The following TP63 variants were observed in gnomAD, a reference collection of about 807,000 sequenced individuals.
TP63 encodes the protein tumor protein p63.
TP63 carries 17 observed loss-of-function variants against 82.8 expected under a neutral mutation model. That is an observed-to-expected ratio of 0.21 (90% CI 0.14 to 0.31). TP63 has a LOEUF of 0.31. Ranked by LOEUF, TP63 falls within the 10% of genes least tolerant of loss-of-function variation. The pLI is 1.00. For synonymous variants in TP63, 330 were observed against 321.7 expected, an observed-to-expected ratio of 1.03 and a Z score of -0.28; for missense variants, 648 against 895.3, an observed-to-expected ratio of 0.72 and a Z score of 3.52.
intron 1 of TP63, among the ~76,000 whole-genome samples, chr3:189,632,343 G>T (rs1560072358): frequency 6.6e-6 from 1 of 152,114 alleles, no homozygotes; most frequent in Non-Finnish European, 1.5e-5. Context: ...TCCTTTGCGT[G>T]TTGAAAATGG....
chr3:189,785,124 T>A (rs1266927438), intron 3 of TP63, among the ~76,000 whole-genome samples: 1 of 152,088 alleles, frequency 6.6e-6, no homozygotes, highest in Non-Finnish European at 1.5e-5. Context: ...GGGCTTGAGA[T>A]ACGGAGCTTG....
At chr3:189,744,080 G>A (rs890386973) in intron 3 of TP63, among the ~76,000 whole-genome samples, 7 of 152,054 alleles carry the variant, frequency 4.6e-5, no homozygotes, top group African/African-American at 9.7e-5. Context: ...GGTGCCCAAC[G>A]GCCCATGCAT....
At chr3:189,857,474 T>C (rs1456012723) in intron 4 of TP63, among the ~76,000 whole-genome samples, 2 of 152,100 alleles carry the variant, frequency 1.3e-5, no homozygotes, top group Non-Finnish European at 2.9e-5. Context: ...TTTCTTAGGA[T>C]ATAAAAAGCA....
intron 3 of TP63, among the ~76,000 whole-genome samples, chr3:189,780,533 A>C (rs548992803): frequency 6.6e-6 from 1 of 152,280 alleles, no homozygotes; most frequent in African/African-American, 2.4e-5. Flanking sequence ...TTCTATGTAC[A>C]CTTCACTCTC....
chr3:189,798,900 A>G (rs925035442), intron 3 of TP63, among the ~76,000 whole-genome samples: 1 of 152,140 alleles, frequency 6.6e-6, no homozygotes, highest in Admixed American at 6.6e-5. Context: ...GCTGAGAGGA[A>G]CACTCCAATG....
At position 189,894,884 on chromosome 3, in the gene TP63, A is replaced by G. The variant is rs886058227; in HGVS notation, c.*382A>G. On this transcript the variant is annotated 3_prime_UTR_variant, in exon 14 of 14. Coordinates refer to ENST00000264731, the MANE Select transcript of TP63 (RefSeq NM_003722.5). ...ATAGATTTTTGGGTGGGGGGCATTG[A>G]GTATTGTTTAAAATGTAATTTAAAT... is the stretch of plus-strand genomic sequence containing the variant. 4.3e-6 allele frequency: 1 copy of G among 231,428 alleles called. No homozygotes were observed. Among genetic ancestry groups the G allele is most frequent in the Non-Finnish European group, 8.6e-6 (1 of 116,250 alleles). 14.3% of individuals were successfully genotyped at this position (231,428 alleles called of 1,614,324 possible).
intron 1 of TP63, among the ~76,000 whole-genome samples, chr3:189,679,025 A>C (rs1467765738): frequency 6.6e-6 from 1 of 151,954 alleles, no homozygotes; most frequent in African/African-American, 2.4e-5. Flanking sequence ...GTCTTTTCTT[A>C]ATTCATTCAT....
At chr3:189,739,692 C>A in intron 3 of TP63, among the ~76,000 whole-genome samples, 1 of 151,846 alleles carries the variant, frequency 6.6e-6, no homozygotes, top group Admixed American at 6.6e-5. Context: ...CCCAGGTAAG[C>A]TAAGGAGTTT....
In TP63 at chr3:189,867,685, A is replaced by G. The variant is rs1474681105; in HGVS notation, c.883-148A>G. 5.3e-6 allele frequency: 4 copies of G among 751,990 alleles called. No individual in the cohort carries two copies. In the East Asian group the frequency reaches 8.2e-5, roughly 15 times the overall value. The allele number at this position is 751,990 out of a possible 1,614,324, so 46.6% of individuals were successfully genotyped here. A position where few individuals can be genotyped will look rare whatever the true frequency, so the allele number is the denominator to read the frequency against. On this transcript the variant is annotated intron_variant, in intron 6 of 13. Transcript: ENST00000264731. ...TTCCCCGCAGGCAAGATGAAGAAAAATCTACAACAGGGTTCAGAGTTTGCC... is the reference window on the plus strand; with the variant it reads ...TTCCCCGCAGGCAAGATGAAGAAAAGTCTACAACAGGGTTCAGAGTTTGCC...
chr3:189,678,182 A>G (rs1364512624), intron 1 of TP63, among the ~76,000 whole-genome samples: 1 of 151,982 alleles, frequency 6.6e-6, no homozygotes, highest in Non-Finnish European at 1.5e-5. Flanking sequence ...CACTGTCCCA[A>G]GTGTTTTTTC....
chr3:189,628,829 A>G (rs1293353664), upstream of TP63, among the ~76,000 whole-genome samples: 2 of 152,116 alleles, frequency 1.3e-5, no homozygotes, highest in African/African-American at 2.4e-5. Context: ...TTGATCGTGT[A>G]TGGTTGCATG....
At chr3:189,834,274 A>T (rs1039535573) in intron 4 of TP63, among the ~76,000 whole-genome samples, 2 of 152,200 alleles carry the variant, frequency 1.3e-5, no homozygotes, top group African/African-American at 4.8e-5. Flanking sequence ...TGTTTGAAGT[A>T]AACAGGAAAA....
At chr3:189,624,466 T>A in the TP63 span, among the ~76,000 whole-genome samples, 1 of 152,170 alleles carries the variant, frequency 6.6e-6, no homozygotes, top group African/African-American at 2.4e-5. Flanking sequence ...TTTATACTCA[T>A]AAAATCATAG....
intron 4 of TP63, among the ~76,000 whole-genome samples, chr3:189,837,615 A>G (rs1713344251): frequency 6.6e-6 from 1 of 152,104 alleles, no homozygotes; most frequent in South Asian, 2.1e-4. Flanking sequence ...TGTTTAGCAT[A>G]AGGGAATCCC....
intron 1 of TP63, among the ~76,000 whole-genome samples, chr3:189,640,060 T>A (rs1260413613): frequency 6.6e-6 from 1 of 152,088 alleles, no homozygotes; most frequent in Non-Finnish European, 1.5e-5. Context: ...TCAAAGAAAC[T>A]TCTGTCTTTG....
At chr3:189,633,581 A>G (rs1280547035) in intron 1 of TP63, among the ~76,000 whole-genome samples, 1 of 152,090 alleles carries the variant, frequency 6.6e-6, no homozygotes, top group Non-Finnish European at 1.5e-5. Context: ...TTATGGCTAC[A>G]TAGTATTTTT....
intron 10 of TP63, among the ~76,000 whole-genome samples, chr3:189,875,613 T>TAC (rs1386670318): frequency 2.6e-4 from 27 of 105,494 alleles, no homozygotes; most frequent in African/African-American, 1.1e-3. Flanking sequence ...TATATATATA[T>TAC]ATATATATAT....
Position 189,875,611 on chromosome 3 carries a change from T to TATATATATACAC in TP63, c.1349+2625_1349+2626insCACATATATATA, listed in dbSNP as rs1270973905. ...ATACATACATATATATATATATATA[T>TATATATATACAC]ATATATATATATATATATATATATA... On this transcript the variant is annotated intron_variant, in intron 10 of 13. Transcript: ENST00000264731. Among the ~76,000 whole-genome samples, 229 of 77,026 alleles carry TATATATATACAC rather than the reference T, an allele frequency of 3.0e-3. 14 individuals are homozygous for TATATATATACAC. Among genetic ancestry groups the TATATATATACAC allele is most frequent in the Non-Finnish European group, 3.6e-3 (128 of 35,892 alleles). The allele number at this position is 77,026 out of a possible 152,430, so 50.5% of individuals were successfully genotyped here. A position where few individuals can be genotyped will look rare whatever the true frequency, so the allele number is the denominator to read the frequency against.
At chr3:189,654,845 A>T (rs1713198112) in intron 1 of TP63, among the ~76,000 whole-genome samples, 1 of 152,196 alleles carries the variant, frequency 6.6e-6, no homozygotes, top group African/African-American at 2.4e-5. Flanking sequence ...CCATTGTAAC[A>T]TGCCCTCAAT....
Sources: gnomAD v4.1 joint callset for allele counts (sites outside exome capture counted in the v4.1 genomes callset) on GRCh38, gnomAD v4.1.1 for gene constraint, MANE v1.5 for transcripts, NCBI Gene and HGNC (gene_info 2026-07-23, HGNC 2026-07-21) for gene names.